The following HTR1E variants were observed in gnomAD, a reference collection of about 807,000 sequenced individuals.
The protein encoded by HTR1E is 5-HT-1E.
Under a neutral mutation model 3.4 loss-of-function variants are expected in HTR1E, and 3 were observed. That is an observed-to-expected ratio of 0.89 (90% CI 0.41 to 2.31). The LOEUF (loss-of-function observed/expected upper bound fraction) is 2.31. HTR1E is among the 30% of genes most tolerant of loss of function. The pLI, the probability that HTR1E is intolerant of heterozygous loss-of-function variation, is 0.05. For missense variants in HTR1E, 392 were observed against 467.0 expected (o/e 0.84, Z 1.48); for synonymous variants, 170 against 182.8 (o/e 0.93, Z 0.56).
At chr6:87,003,827 A>G (rs954922691) in intron 1 of HTR1E, among the ~76,000 whole-genome samples, 5 of 152,170 alleles carry the variant, frequency 3.3e-5, no homozygotes, top group African/African-American at 1.2e-4. Context: ...AGAAACAAAC[A>G]GTTGGTTTTT....
chr6:86,951,023 G>T (rs1767232281), intron 1 of HTR1E, among the ~76,000 whole-genome samples: 2 of 151,992 alleles, frequency 1.3e-5, no homozygotes, highest in Non-Finnish European at 2.9e-5. Flanking sequence ...GCACCATTTG[G>T]GGAGGAGTGT....
At chr6:86,999,821 T>C (rs893116467) in intron 1 of HTR1E, among the ~76,000 whole-genome samples, 2 of 152,216 alleles carry the variant, frequency 1.3e-5, no homozygotes, top group Non-Finnish European at 2.9e-5. Flanking sequence ...ACTAGGTTAA[T>C]AGCTGTGCTT....
At chr6:86,937,931 A>C (rs1768493205) in intron 1 of HTR1E, 108 bp downstream of exon 1, 1 of 152,828 alleles carries the variant, frequency 6.5e-6, no homozygotes, top group South Asian at 2.1e-4. Flanking sequence ...TGAGGCGCAA[A>C]GGCGGCGGGA....
chr6:86,956,163 C>A (rs1392006871), intron 1 of HTR1E, among the ~76,000 whole-genome samples: 8 of 152,126 alleles, frequency 5.3e-5, no homozygotes, highest in Non-Finnish European at 1.0e-4. Flanking sequence ...AAATATATTT[C>A]TTTGATGTAT....
chr6:86,999,912 G>C (rs914554381), intron 1 of HTR1E: 6 of 152,152 alleles, frequency 3.9e-5, no homozygotes, highest in African/African-American at 1.2e-4. Context: ...TGCCCATTAA[G>C]CCTTCAATAA....
At chr6:87,007,627 T>C (rs1768135220) in intron 1 of HTR1E, among the ~76,000 whole-genome samples, 1 of 152,168 alleles carries the variant, frequency 6.6e-6, no homozygotes, top group African/African-American at 2.4e-5. Context: ...ACAAAAAATT[T>C]AAAATTTTTA....
intron 1 of HTR1E, among the ~76,000 whole-genome samples, chr6:86,959,624 G>C (rs1767378613): frequency 6.6e-6 from 1 of 152,154 alleles, no homozygotes; most frequent in Non-Finnish European, 1.5e-5. Context: ...ATCATCATGG[G>C]CAGGATGACG....
At chr6:87,005,246 T>G (rs533838229) in intron 1 of HTR1E, among the ~76,000 whole-genome samples, 12 of 152,232 alleles carry the variant, frequency 7.9e-5, no homozygotes, top group African/African-American at 2.9e-4. Flanking sequence ...AATCTTAAAA[T>G]TTACATGGAA....
chr6:87,007,388 T>C (rs901470361), intron 1 of HTR1E, among the ~76,000 whole-genome samples: 1 of 152,080 alleles, frequency 6.6e-6, no homozygotes, highest in South Asian at 2.1e-4. Flanking sequence ...TATAGTTAGA[T>C]AGAAAAAATA....
intron 1 of HTR1E, among the ~76,000 whole-genome samples, chr6:86,993,698 T>C (rs1299581585): frequency 1.3e-5 from 2 of 152,074 alleles, no homozygotes; most frequent in East Asian, 3.9e-4. Context: ...AGAGGAAGAC[T>C]GCTACAACAG....
chr6:86,964,334 T>C (rs553181518), intron 1 of HTR1E, among the ~76,000 whole-genome samples: 1 of 152,326 alleles, frequency 6.6e-6, no homozygotes, highest in African/African-American at 2.4e-5. Context: ...AAGTACTAAG[T>C]GCATGAATAT....
chr6:87,014,004 G>T (rs1040896058), intron 1 of HTR1E, among the ~76,000 whole-genome samples: 3 of 151,948 alleles, frequency 2.0e-5, no homozygotes, highest in Admixed American at 6.6e-5. Flanking sequence ...GCAAACTATC[G>T]CAAGGACAGA....
chr6:86,975,606 C>A (rs922330489), intron 1 of HTR1E, among the ~76,000 whole-genome samples: 3 of 152,074 alleles, frequency 2.0e-5, no homozygotes, highest in East Asian at 1.9e-4. Flanking sequence ...TGTGTACCCT[C>A]CTCACTCTAC....
chr6:86,948,193 T>G (rs747837175), intron 1 of HTR1E, among the ~76,000 whole-genome samples: 1 of 152,180 alleles, frequency 6.6e-6, no homozygotes, highest in Non-Finnish European at 1.5e-5. Context: ...TTCATCCATG[T>G]CCCTGCAAAG....
At chr6:86,949,736 TAATTAA>T (rs1318136446) in intron 1 of HTR1E, among the ~76,000 whole-genome samples, 3 of 152,086 alleles carry the variant, frequency 2.0e-5, no homozygotes, top group Non-Finnish European at 2.9e-5. Context: ...TATTTAATTT[TAATTAA>T]AATTAAAATA....
At chr6:86,973,928 C>T (rs1431663806) in intron 1 of HTR1E, among the ~76,000 whole-genome samples, 4 of 152,080 alleles carry the variant, frequency 2.6e-5, no homozygotes, top group African/African-American at 9.7e-5. Context: ...GGTAGAGAAC[C>T]GACTGGCCAG....
At chr6:86,969,116 A>T (rs1432886327) in intron 1 of HTR1E, among the ~76,000 whole-genome samples, 1 of 152,086 alleles carries the variant, frequency 6.6e-6, no homozygotes, top group Non-Finnish European at 1.5e-5. Flanking sequence ...TGCCATCATT[A>T]TTCAGTTTAG....
chr6:86,994,327 A>G (rs1389642441), intron 1 of HTR1E, among the ~76,000 whole-genome samples: 3 of 152,204 alleles, frequency 2.0e-5, no homozygotes, highest in Non-Finnish European at 4.4e-5. Flanking sequence ...CACCAGACAT[A>G]TCGCAGTTAA....
chr6:87,005,359 C>A (rs1768085791), intron 1 of HTR1E, among the ~76,000 whole-genome samples: 1 of 152,018 alleles, frequency 6.6e-6, no homozygotes, highest in Non-Finnish European at 1.5e-5. Flanking sequence ...CTATAGTAAC[C>A]AAAACAGCAT....
Sources: allele counts gnomAD v4.1 joint callset (sites outside exome capture counted in the v4.1 genomes callset), GRCh38; gene constraint gnomAD v4.1.1; transcripts MANE v1.5; gene names NCBI Gene and HGNC (gene_info 2026-07-23, HGNC 2026-07-21).